The following ADAMTS20 variants were observed in gnomAD, a reference collection of about 807,000 sequenced individuals.
The protein encoded by ADAMTS20 is A disintegrin and metalloproteinase with thrombospondin motifs 20.
Under a neutral mutation model 260.1 loss-of-function variants are expected in ADAMTS20, and 225 were observed. The ratio of observed to expected loss-of-function variants is 0.87; its 90% CI spans 0.78 to 0.97. The LOEUF is 0.97. Ranked by LOEUF, ADAMTS20 falls within the 50% of genes least tolerant of loss-of-function variation. The pLI, the probability that ADAMTS20 is intolerant of heterozygous loss-of-function variation, is 0.00. For missense variants in ADAMTS20, 2,400 were observed against 2,337.7 expected, an observed-to-expected ratio of 1.03 and a Z score of -0.55; for synonymous variants, 802 against 769.5, an observed-to-expected ratio of 1.04 and a Z score of -0.70.
At chr12:43,384,187 C>A (rs1362011552) in intron 29 of ADAMTS20, among the ~76,000 whole-genome samples, 1 of 152,152 alleles carries the variant, frequency 6.6e-6, no homozygotes, top group Non-Finnish European at 1.5e-5. Context: ...TCAAGCTTTA[C>A]AGAAACTCTG....
At chr12:43,535,386 C>T (rs1316131300) in intron 2 of ADAMTS20, among the ~76,000 whole-genome samples, 1 of 137,188 alleles carries the variant, frequency 7.3e-6, no homozygotes, top group Non-Finnish European at 1.7e-5. Flanking sequence ...AATATAAAGA[C>T]TCTTGCTTGC....
At chr12:43,432,871 G>T in intron 19 of ADAMTS20, 60 bp from the exon 20 acceptor site, 1 of 1,396,094 alleles carries the variant, frequency 7.2e-7, no homozygotes, top group East Asian at 2.3e-5. Flanking sequence ...AACAGATTCA[G>T]AGACACTCAT....
At chr12:43,360,189 C>T (rs1004801584) in intron 37 of ADAMTS20, among the ~76,000 whole-genome samples, 1 of 152,190 alleles carries the variant, frequency 6.6e-6, no homozygotes, top group African/African-American at 2.4e-5. Flanking sequence ...TGGCTCACGC[C>T]TGTAATCCCT....
At chr12:43,418,221 GTTGAGAAAGCAACTACTT>G (rs1941167259) in intron 28 of ADAMTS20, among the ~76,000 whole-genome samples, 1 of 152,190 alleles carries the variant, frequency 6.6e-6, no homozygotes, top group African/African-American at 2.4e-5. Flanking sequence ...TTTAGCAGTA[GTTGAGAAAGCAACTACTT>G]TTAGAAACTC....
chr12:43,415,355 T>C (rs1054422941), intron 28 of ADAMTS20, among the ~76,000 whole-genome samples: 3 of 152,160 alleles, frequency 2.0e-5, no homozygotes, highest in African/African-American at 7.2e-5. Flanking sequence ...CATAAAAGTT[T>C]GCTTAAAAAA....
At chr12:43,367,641 T>G (rs901192759) in intron 37 of ADAMTS20, among the ~76,000 whole-genome samples, 2 of 152,046 alleles carry the variant, frequency 1.3e-5, no homozygotes, top group Non-Finnish European at 2.9e-5. Context: ...AACAAGGATG[T>G]TCACTCTTGC....
At chr12:43,409,666 ATT>A (rs1176301613) in intron 28 of ADAMTS20, among the ~76,000 whole-genome samples, 2 of 151,016 alleles carry the variant, frequency 1.3e-5, no homozygotes, top group African/African-American at 4.9e-5. Context: ...GAATCCCAAT[ATT>A]TAACCAGAAA....
rs924489247 is a variant in ADAMTS20, at chr12:43,516,927, A to G, written c.614-14522T>C. 1.8e-4 allele frequency among the ~76,000 whole-genome samples: 27 copies of G among 152,218 alleles called. No individual in the cohort carries two copies. In the East Asian group the frequency reaches 5.2e-3, roughly 29 times the overall value. On this transcript the variant is annotated intron_variant, in intron 3 of 38. Coordinates refer to ENST00000389420, the MANE Select transcript of ADAMTS20 (RefSeq NM_025003.5). ...TTTGAGAATCAATCACATTCATCAC[A>G]TTAACTTAATAAAAGGAAATATGTA...
intron 3 of ADAMTS20, among the ~76,000 whole-genome samples, chr12:43,515,740 A>G (rs1480319480): frequency 1.3e-5 from 2 of 152,218 alleles, no homozygotes; most frequent in African/African-American, 2.4e-5. Context: ...TATGTTGATT[A>G]TGGAATCAGT....
intron 38 of ADAMTS20, 37 bp downstream of exon 38, chr12:43,356,447 G>A: frequency 7.3e-7 from 1 of 1,362,796 alleles, no homozygotes; most frequent in Non-Finnish European, 1.0e-6. Context: ...TAGCTCAGAA[G>A]TATTTCAAAC....
intron 37 of ADAMTS20, among the ~76,000 whole-genome samples, chr12:43,369,041 A>G (rs539963080): frequency 5.3e-4 from 80 of 152,164 alleles, no homozygotes; most frequent in Non-Finnish European, 8.7e-4. Context: ...GAAGAAACTG[A>G]TAACACATTA....
intron 28 of ADAMTS20, among the ~76,000 whole-genome samples, chr12:43,413,031 G>A (rs1398802829): frequency 2.0e-5 from 3 of 151,816 alleles, no homozygotes; most frequent in Admixed American, 6.6e-5. Context: ...AGAAGGTCTC[G>A]ATCTTCTGAC....
Position 43,383,857 on chromosome 12 carries a change from A to T in ADAMTS20, c.4573T>A (p.Cys1525Ser). ...TGCTGCACACAGTCCTGACTCCAACATCGCCTCTGAGAACAAGGTCGGGTG... is the reference window on the plus strand; with the variant it reads ...TGCTGCACACAGTCCTGACTCCAACTTCGCCTCTGAGAACAAGGTCGGGTG... ...QSTRPCSQRR[C>S]WSQDCVQHKG... The change falls in exon 30 of 39, where the codon TGT (cysteine) becomes AGT (serine). Residue 1525 changes from cysteine to serine, a missense_variant. Coordinates refer to ENST00000389420, the MANE Select transcript of ADAMTS20 (RefSeq NM_025003.5). 1 of 1,613,964 alleles carries T rather than the reference A, an allele frequency of 6.2e-7. No individual in the cohort carries two copies. Among genetic ancestry groups the T allele is most frequent in the Non-Finnish European group, 8.5e-7 (1 of 1,179,850 alleles).
At chr12:43,363,906 T>G (rs191577505) in intron 37 of ADAMTS20, among the ~76,000 whole-genome samples, 6 of 152,308 alleles carry the variant, frequency 3.9e-5, no homozygotes, top group Admixed American at 2.0e-4. Flanking sequence ...ATTATGGAGT[T>G]ATTTATGCCC....
At chr12:43,518,300 C>T (rs1943025455) in intron 3 of ADAMTS20, among the ~76,000 whole-genome samples, 1 of 152,112 alleles carries the variant, frequency 6.6e-6, no homozygotes, top group South Asian at 2.1e-4. Context: ...TTTGCAAAAT[C>T]CAGTAATCAA....
chr12:43,374,151 G>A (rs1276878307), intron 36 of ADAMTS20, among the ~76,000 whole-genome samples: 1 of 152,114 alleles, frequency 6.6e-6, no homozygotes, highest in African/African-American at 2.4e-5. Flanking sequence ...CACCCAGACA[G>A]TCTAGAGTTT....
intron 28 of ADAMTS20, among the ~76,000 whole-genome samples, chr12:43,419,473 T>G (rs1408821502): frequency 6.6e-6 from 1 of 152,114 alleles, no homozygotes; most frequent in Non-Finnish European, 1.5e-5. Context: ...TTAAGAATGC[T>G]TATATATCTT....
intron 16 of ADAMTS20, among the ~76,000 whole-genome samples, chr12:43,440,952 C>T (rs903996475): frequency 2.6e-5 from 4 of 151,860 alleles, no homozygotes; most frequent in African/African-American, 9.7e-5. Context: ...GTAGTCCCAG[C>T]TACTCCGGAG....
chr12:43,425,486 A>G (rs771045026), intron 28 of ADAMTS20, 28 bp downstream of exon 28: 4 of 1,444,316 alleles, frequency 2.8e-6, no homozygotes, highest in Non-Finnish European at 3.7e-6. Context: ...AAAGTATGAC[A>G]TGTTAACAGA....
Sources: gnomAD v4.1 joint callset for allele counts (sites outside exome capture counted in the v4.1 genomes callset) on GRCh38, gnomAD v4.1.1 for gene constraint, MANE v1.5 for transcripts, NCBI Gene and HGNC (gene_info 2026-07-23, HGNC 2026-07-21) for gene names.